DIP2A: variants seen among roughly 807,000 people sequenced by gnomAD.
The protein encoded by DIP2A is disco-interacting protein 2 homolog A.
A neutral mutation model predicts 177.4 loss-of-function variants in DIP2A; 85 were observed. That is an observed-to-expected ratio of 0.48 (90% CI 0.40 to 0.57). DIP2A has a LOEUF of 0.57. Ranked by LOEUF, DIP2A falls within the 20% of genes least tolerant of loss-of-function variation. The pLI is 0.00. For missense variants in DIP2A, 1,791 were observed against 2,100.2 expected, an observed-to-expected ratio of 0.85 and a Z score of 2.88; for synonymous variants, 886 against 881.8, an observed-to-expected ratio of 1.00 and a Z score of -0.08.
chr21:46,462,648 AG>A (rs2054421530), intron 1 of DIP2A: 1 of 152,208 alleles, frequency 6.6e-6, no homozygotes, highest in Admixed American at 6.5e-5. Flanking sequence ...ACTTTTTTAT[AG>A]CATTCACATT....
intron 8 of DIP2A, among the ~76,000 whole-genome samples, chr21:46,524,217 A>C (rs1028445629): frequency 6.6e-6 from 1 of 152,218 alleles, no homozygotes; most frequent in Non-Finnish European, 1.5e-5. Context: ...TGCCAGATCC[A>C]TTCTTGGCCA....
chr21:46,514,394 C>G (rs1031870075), intron 8 of DIP2A, among the ~76,000 whole-genome samples: 2 of 151,184 alleles, frequency 1.3e-5, no homozygotes, highest in African/African-American at 4.9e-5. Context: ...TGAGATCGCA[C>G]CACTGCACTC....
At position 46,561,741 on chromosome 21, in the gene DIP2A, T is replaced by C. The variant is rs758764396; in HGVS notation, c.4032-7T>C. The C allele has an allele frequency of 3.1e-6, 5 of 1,613,936 alleles. No homozygotes were observed. In the South Asian group the frequency reaches 4.4e-5, roughly 14 times the overall value. On this transcript the variant is annotated splice_region_variant and splice_polypyrimidine_tract_variant and intron_variant, in intron 33 of 37. Transcript: ENST00000417564. ...TTTTGTACTGAAATTGTTCCCTTAA[T>C]TTTTAGGGTTCGTTTGGTAGAACGG...
intron 2 of DIP2A, among the ~76,000 whole-genome samples, chr21:46,488,022 G>C (rs529990295): frequency 6.6e-6 from 1 of 152,274 alleles, no homozygotes; most frequent in East Asian, 1.9e-4. Flanking sequence ...GAACACTGGT[G>C]ATAAAGGACT....
rs773512604 is a variant in DIP2A, at chr21:46,545,247, C to T, written c.2287C>T (p.Leu763Phe). The T allele has an allele frequency of 3.1e-6, 5 of 1,599,506 alleles. No individual in the cohort carries two copies. In the Admixed American group the frequency reaches 8.5e-5, roughly 27 times the overall value. Residue 763 changes from leucine to phenylalanine, a missense_variant, in exon 19 of 38, where the codon CTT (leucine) becomes TTT (phenylalanine). Leu to Phe is a conservative substitution (Grantham distance 22). Transcript: ENST00000417564. ...AACTGGCACAGCGTACTATGGATTG[C>T]TTGGAATCACGAAGAATGTGTTTGA... ...SATGTAYYGL[L>F]GITKNVFEAV...
rs571637777 is a variant in DIP2A, at chr21:46,508,353, CTTTTTT to C, written c.785-886_785-881del. Among the ~76,000 whole-genome samples, 623 of 90,480 alleles carry C rather than the reference CTTTTTT, an allele frequency of 6.9e-3. 9 individuals carry two copies. Among genetic ancestry groups the C allele is most frequent in the African/African-American group, 0.026 (595 of 22,652 alleles). 59.4% of individuals were successfully genotyped at this position (90,480 alleles called of 152,430 possible). Reference sequence around the variant, plus strand: ...GCCACTGCTCCTGGCTGGCCAATGACTTTTTTTTTTTTTTTTTTTTTTTGAGAAGAA... The same window carrying C: ...GCCACTGCTCCTGGCTGGCCAATGACTTTTTTTTTTTTTTTTTGAGAAGAA... On this transcript the variant is annotated intron_variant, in intron 6 of 37. Transcript: ENST00000417564.
At chr21:46,576,509 TTATC>T in the DIP2A span, among the ~76,000 whole-genome samples, 58 of 152,198 alleles carry the variant, frequency 3.8e-4, 1 homozygote, top group Non-Finnish European at 1.8e-4. Context: ...CACATTTTCT[TTATC>T]TAGCCTACCA....
chr21:46,549,628 T>C (rs2148861632), intron 21 of DIP2A, 143 bp from the exon 22 acceptor site: 5 of 1,425,432 alleles, frequency 3.5e-6, no homozygotes, highest in Non-Finnish European at 2.8e-6. Context: ...GAGTTACTTT[T>C]TGAATGTGCA....
chr21:46,531,494 T>C (rs1449482407), intron 9 of DIP2A, among the ~76,000 whole-genome samples: 1 of 152,248 alleles, frequency 6.6e-6, no homozygotes, highest in African/African-American at 2.4e-5. Context: ...AGATGAGATT[T>C]TATGCAACGC....
At chr21:46,459,680 A>G (rs1180208219) in intron 1 of DIP2A, among the ~76,000 whole-genome samples, 1 of 148,054 alleles carries the variant, frequency 6.8e-6, no homozygotes. Context: ...CAAACCAGGG[A>G]CCACTGCCCC....
At chr21:46,583,716 TA>T in the DIP2A span, among the ~76,000 whole-genome samples, 1 of 152,202 alleles carries the variant, frequency 6.6e-6, no homozygotes, top group African/African-American at 2.4e-5. Context: ...AGTACTGTTA[TA>T]AAAGGGCAGG....
chr21:46,507,247 A>C (rs1171667399), intron 6 of DIP2A, among the ~76,000 whole-genome samples: 3 of 152,142 alleles, frequency 2.0e-5, no homozygotes, highest in African/African-American at 7.2e-5. Flanking sequence ...AAATTTTTTT[A>C]TATATTGTGC....
rs192604979 is a variant in DIP2A, at chr21:46,557,994, G to A, written c.3799-229G>A. 1.0e-3 allele frequency among the ~76,000 whole-genome samples: 159 copies of A among 152,294 alleles called. No individual in the cohort carries two copies. Among genetic ancestry groups the A allele is most frequent in the African/African-American group, 3.8e-3 (156 of 41,552 alleles). ...TAGGGCAGGGTCCCTGCGAGATAGC[G>A]GGGTGGAAGTCTGGCCGCGTGGGAG... is the stretch of plus-strand genomic sequence containing the variant. On this transcript the variant is annotated intron_variant, in intron 31 of 37. Transcript: ENST00000417564. The surrounding 1 kb of genome is among the most constrained non-coding windows in gnomAD (Gnocchi z 6.0).
chr21:46,546,468 C>T (rs1601786725), intron 20 of DIP2A, among the ~76,000 whole-genome samples: 1 of 152,122 alleles, frequency 6.6e-6, no homozygotes, highest in African/African-American at 2.4e-5. Flanking sequence ...GCTCAGTGTC[C>T]AACCTAAGCA....
chr21:46,474,967 G>A (rs1160994433), intron 1 of DIP2A, among the ~76,000 whole-genome samples: 10 of 152,132 alleles, frequency 6.6e-5, no homozygotes. Flanking sequence ...AAAGGATATG[G>A]TTTTCATCGG....
rs374115772 is a variant in DIP2A, at chr21:46,533,500, A to G, written c.1306-24A>G. 9.4e-5 allele frequency: 151 copies of G among 1,608,724 alleles called. 1 individual carries two copies. In the African/African-American group the frequency reaches 1.8e-3, roughly 19 times the overall value. ...GTGGCTGCTGTGAGCACCCCACCCC[A>G]CACGGTCACTCTGCTTTCTGCAGGA... On this transcript the variant is annotated intron_variant, in intron 10 of 37. Transcript: ENST00000417564.
intron 5 of DIP2A, among the ~76,000 whole-genome samples, chr21:46,500,804 T>C (rs2057608277): frequency 6.6e-6 from 1 of 152,262 alleles, no homozygotes; most frequent in South Asian, 2.1e-4. Flanking sequence ...ATTAGATGTT[T>C]TCATTCTCTG....
Position 46,554,953 on chromosome 21 carries a change from C to T in DIP2A, c.3388+20C>T. ...ACACAGGTGCGTGTCCTCGCACTGCCCAGGACCAGTCCCTTTTCCTTTCTT... is the reference window on the plus strand; with the variant it reads ...ACACAGGTGCGTGTCCTCGCACTGCTCAGGACCAGTCCCTTTTCCTTTCTT... On this transcript the variant is annotated intron_variant, in intron 28 of 37. Transcript: ENST00000417564. The T allele has an allele frequency of 6.5e-7, 1 of 1,544,954 alleles. No homozygotes were observed. Among genetic ancestry groups the T allele is most frequent in the South Asian group, 1.2e-5 (1 of 83,962 alleles).
chr21:46,565,163 A>G (rs1251509173), intron 35 of DIP2A, among the ~76,000 whole-genome samples: 7 of 152,106 alleles, frequency 4.6e-5, no homozygotes, highest in Non-Finnish European at 8.8e-5. Context: ...CAAAATGCTT[A>G]CGTGTGTAGA....
Sources: allele counts gnomAD v4.1 joint callset (sites outside exome capture counted in the v4.1 genomes callset), GRCh38; gene constraint gnomAD v4.1.1; non-coding constraint Gnocchi (gnomAD v3.1); transcripts MANE v1.5; gene names NCBI Gene and HGNC (gene_info 2026-07-23, HGNC 2026-07-21).